The following LRP5 variants were observed in gnomAD, a reference collection of about 807,000 sequenced individuals.
LRP5 encodes the protein LDL receptor related protein 5.
LRP5 carries 62 observed loss-of-function variants against 154.1 expected under a neutral mutation model. The observed-to-expected ratio is 0.40, with a 90% confidence interval of 0.33 to 0.50. The LOEUF (loss-of-function observed/expected upper bound fraction) is 0.50. Ranked by LOEUF, LRP5 falls within the 20% of genes least tolerant of loss-of-function variation. LRP5 has a pLI of 0.55. For synonymous variants in LRP5, 966 were observed against 1,011.5 expected, an observed-to-expected ratio of 0.96 and a Z score of 0.85; for missense variants, 1,915 against 2,336.7, an observed-to-expected ratio of 0.82 and a Z score of 3.72.
In LRP5 at chr11:68,449,031, C is replaced by A; in HGVS notation, c.4809C>A (p.Leu1603=). 6.3e-7 allele frequency: 1 copy of A among 1,586,880 alleles called. No individual in the cohort carries two copies. The highest frequency in any genetic ancestry group is 8.6e-7 in the Non-Finnish European group (1 of 1,169,352). ...SPATERSYFH[L]FPPPPSPCTD... ...CCACCGAGAGGAGCTACTTCCATCT[C>A]TTCCCGCCCCCTCCGTCCCCCTGCA... The change falls in exon 23 of 23, where the codon CTC becomes CTA. Residue 1603 remains leucine, a synonymous_variant. Transcript: ENST00000294304.
At chr11:68,355,925 C>T (rs548494161) in intron 2 of LRP5, among the ~76,000 whole-genome samples, 26 of 151,992 alleles carry the variant, frequency 1.7e-4, no homozygotes, top group African/African-American at 5.1e-4. Flanking sequence ...CTGCAAGCTC[C>T]GCCTCCCGGG....
chr11:68,341,519 G>A (rs1394405369), intron 1 of LRP5, among the ~76,000 whole-genome samples: 3 of 152,100 alleles, frequency 2.0e-5, no homozygotes, highest in Non-Finnish European at 4.4e-5. Context: ...AATGACCTGG[G>A]GCAGGCCAAG....
In LRP5 at chr11:68,348,225, C is replaced by A; in HGVS notation, c.470C>A (p.Ala157Asp). Residue 157 changes from alanine (A) to aspartate (D), a missense_variant, in exon 2 of 23, where the codon GCC (alanine) becomes GAC (aspartate). Coordinates refer to ENST00000294304, the MANE Select transcript of LRP5 (RefSeq NM_002335.4). ...WQDLDQPRAIALDPAHGYMYW... is the reference protein window; with the variant it reads ...WQDLDQPRAIDLDPAHGYMYW... ...GACCTTGACCAGCCGAGGGCCATCG[C>A]CTTGGACCCCGCTCACGGGTAAACC... The A allele has an allele frequency of 6.2e-7, 1 of 1,607,380 alleles. No homozygotes were observed. Among genetic ancestry groups the A allele is most frequent in the South Asian group, 1.1e-5 (1 of 91,086 alleles).
At chr11:68,436,510 C>G (rs1293149311) in intron 18 of LRP5, among the ~76,000 whole-genome samples, 1 of 152,110 alleles carries the variant, frequency 6.6e-6, no homozygotes, top group African/African-American at 2.4e-5. Flanking sequence ...CCCCCACTCT[C>G]GGGAGGCGAG....
chr11:68,334,200 C>T (rs1170128543), intron 1 of LRP5, among the ~76,000 whole-genome samples: 1 of 152,150 alleles, frequency 6.6e-6, no homozygotes, highest in Non-Finnish European at 1.5e-5. Flanking sequence ...TGCCACTGCA[C>T]TCCAGCCTGG....
Position 68,413,114 on chromosome 11 carries a change from G to T in LRP5, c.2504-575G>T. ...ACATCCCGTGACCCAGCTCATCCAG[G>T]CCGCATGCAAACCTGTTGCCAGGCG... On this transcript the variant is annotated intron_variant, in intron 11 of 22. Coordinates refer to ENST00000294304, the MANE Select transcript of LRP5 (RefSeq NM_002335.4). This position sits in a 1 kb window ranked among gnomAD's most constrained non-coding sequence, Gnocchi z 5.1. 5.0e-6 allele frequency: 1 copy of T among 198,332 alleles called. No homozygotes were observed. Among genetic ancestry groups the T allele is most frequent in the East Asian group, 8.1e-5 (1 of 12,422 alleles). 12.3% of individuals were successfully genotyped at this position (198,332 alleles called of 1,614,324 possible). A position where few individuals can be genotyped will look rare whatever the true frequency, so the allele number is the denominator to read the frequency against.
chr11:68,443,665 C>CT (rs1207713555), intron 21 of LRP5, among the ~76,000 whole-genome samples: 264 of 125,866 alleles, frequency 2.1e-3, no homozygotes, highest in African/African-American at 7.0e-3. Flanking sequence ...CACTCTCTCT[C>CT]TTTTTTTTTT....
At position 68,403,713 on chromosome 11, in the gene LRP5, G is replaced by A. The variant is rs771938003; in HGVS notation, c.1801+14G>A. ...CCAAGGTCGTCGGTGAGTCCGGGGG[G>A]TCCCAAGCCATGGCTCAGCCATGCA... On this transcript the variant is annotated intron_variant, in intron 8 of 22. Coordinates refer to ENST00000294304, the MANE Select transcript of LRP5 (RefSeq NM_002335.4). 9.3e-6 allele frequency: 15 copies of A among 1,612,500 alleles called. No individual in the cohort carries two copies. Among genetic ancestry groups the A allele is most frequent in the Non-Finnish European group, 1.2e-5 (14 of 1,179,902 alleles).
intron 22 of LRP5, chr11:68,446,976 A>C (rs1565125489): frequency 3.8e-6 from 1 of 266,410 alleles, no homozygotes; most frequent in Non-Finnish European, 7.6e-6. Context: ...TAGACCCCTA[A>C]TCGTGTGACG....
intron 1 of LRP5, among the ~76,000 whole-genome samples, chr11:68,318,469 G>A (rs928118586): frequency 5.9e-5 from 9 of 151,784 alleles, no homozygotes; most frequent in African/African-American, 2.2e-4. Context: ...CCCGCAAGTA[G>A]TTGGGACCTC....
At chr11:68,406,959 A>AC in intron 9 of LRP5, 146 bp downstream of exon 9, 1 of 693,048 alleles carries the variant, frequency 1.4e-6, no homozygotes, top group African/African-American at 2.1e-5. Flanking sequence ...GAGCAAGCCT[A>AC]TTTAAAAAAA....
At chr11:68,433,149 AC>A (rs1414886025) in intron 17 of LRP5, among the ~76,000 whole-genome samples, 2 of 152,132 alleles carry the variant, frequency 1.3e-5, no homozygotes. Context: ...GCTGCTGACC[AC>A]CTGCTTTCTG....
chr11:68,363,562 C>G (rs1161452882), intron 3 of LRP5, among the ~76,000 whole-genome samples, 185 bp from the exon 4 acceptor site: 1 of 151,578 alleles, frequency 6.6e-6, no homozygotes, highest in Non-Finnish European at 1.5e-5. Context: ...GAGGCTGAGG[C>G]AGGATAATTG....
At chr11:68,402,569 G>A (rs2098653206) in intron 7 of LRP5, among the ~76,000 whole-genome samples, 1 of 151,936 alleles carries the variant, frequency 6.6e-6, no homozygotes, top group South Asian at 2.1e-4. Flanking sequence ...GCTCATAACT[G>A]CCCCAGGTCC....
At chr11:68,393,521 C>T (rs917859286) in intron 7 of LRP5, among the ~76,000 whole-genome samples, 3 of 152,252 alleles carry the variant, frequency 2.0e-5, no homozygotes, top group East Asian at 1.9e-4. Context: ...TGGCTCACGC[C>T]TGTAATCCCA....
At chr11:68,337,495 C>T (rs117794806) in intron 1 of LRP5, among the ~76,000 whole-genome samples, 2 of 152,180 alleles carry the variant, frequency 1.3e-5, no homozygotes, top group African/African-American at 4.8e-5. Context: ...TCAACATTCA[C>T]CAAGTCATGT....
intron 18 of LRP5, among the ~76,000 whole-genome samples, chr11:68,435,882 C>T (rs1223100526): frequency 1.3e-5 from 2 of 152,170 alleles, no homozygotes; most frequent in Admixed American, 6.5e-5. Context: ...CACACCACCA[C>T]ACCCGGCTAA....
chr11:68,398,350 G>A (rs968286719), intron 7 of LRP5, among the ~76,000 whole-genome samples: 4 of 152,210 alleles, frequency 2.6e-5, no homozygotes, highest in Non-Finnish European at 4.4e-5. Flanking sequence ...GGCAGCCGGC[G>A]GCCGGCCCAT....
At chr11:68,435,639 C>G (rs2153179754) in intron 18 of LRP5, among the ~76,000 whole-genome samples, 1 of 152,322 alleles carries the variant, frequency 6.6e-6, no homozygotes, top group South Asian at 2.1e-4. Context: ...CAAACACTGC[C>G]CACCAGGCCC....
Sources: gnomAD v4.1 joint callset for allele counts (sites outside exome capture counted in the v4.1 genomes callset) on GRCh38, gnomAD v4.1.1 for gene constraint, Gnocchi (gnomAD v3.1) non-coding constraint, MANE v1.5 for transcripts, NCBI Gene and HGNC (gene_info 2026-07-23, HGNC 2026-07-21) for gene names.